The following NAV2 variants were observed in gnomAD, a reference collection of about 807,000 sequenced individuals.
NAV2 encodes neuron navigator 2, also known as helicase, APC down-regulated 1.
In NAV2, 54 loss-of-function variants were observed where a neutral mutation model predicts 223.2. That is an observed-to-expected ratio of 0.24 (90% CI 0.19 to 0.30). The LOEUF is 0.30. NAV2 is among the 10% of genes least tolerant of loss of function. The pLI is 1.00. For missense variants in NAV2, 2,806 were observed against 3,147.5 expected (o/e 0.89, Z 2.60); for synonymous variants, 1,279 against 1,239.3 (o/e 1.03, Z -0.67).
Position 20,023,242 on chromosome 11 carries a change from G to A in NAV2, c.2769-12717G>A, listed in dbSNP as rs2054674108. 4 of 734,818 alleles carry A rather than the reference G, an allele frequency of 5.4e-6. 1 individual carries two copies. The East Asian group carries it at 2.6e-4, about 48-fold the overall frequency. The allele number at this position is 734,818 out of a possible 1,614,324, so 45.5% of individuals were successfully genotyped here. A position where few individuals can be genotyped will look rare whatever the true frequency, so the allele number is the denominator to read the frequency against. On this transcript the variant is annotated intron_variant, in intron 11 of 37. Coordinates refer to ENST00000349880, the MANE Select transcript of NAV2 (RefSeq NM_145117.5). ...GCCTGGTGGAGCAGCCTGTGGTGCAGCTGCCTAAATCACTGTGAGCTATGT... is the reference window on the plus strand; with the variant it reads ...GCCTGGTGGAGCAGCCTGTGGTGCAACTGCCTAAATCACTGTGAGCTATGT...
At chr11:20,089,352 G>A (rs574406538) in intron 26 of NAV2, among the ~76,000 whole-genome samples, 118 of 152,282 alleles carry the variant, frequency 7.7e-4, no homozygotes, top group African/African-American at 2.8e-3. Context: ...CTATTCAAGT[G>A]TTAAATTTTT....
chr11:19,413,675 GA>G (rs1424500110), intron 1 of NAV2, among the ~76,000 whole-genome samples: 8 of 152,190 alleles, frequency 5.3e-5, no homozygotes, highest in Non-Finnish European at 7.3e-5. Context: ...CAGCCAGAGA[GA>G]AAGGTCTGGT....
At chr11:19,592,770 G>C (rs145785319) in intron 1 of NAV2, among the ~76,000 whole-genome samples, 64 of 152,302 alleles carry the variant, frequency 4.2e-4, no homozygotes, top group African/African-American at 1.4e-3. Flanking sequence ...ATAGTAATGA[G>C]AGCTGATATT....
chr11:19,988,496 C>T (rs1319147637), intron 11 of NAV2, among the ~76,000 whole-genome samples: 2 of 151,978 alleles, frequency 1.3e-5, no homozygotes, highest in African/African-American at 2.4e-5. Context: ...AAATGAAAAT[C>T]GCCCTCCACC....
chr11:19,691,876 T>C (rs2049185292), intron 1 of NAV2, among the ~76,000 whole-genome samples: 1 of 152,256 alleles, frequency 6.6e-6, no homozygotes, highest in East Asian at 1.9e-4. Context: ...GCTGGCACTA[T>C]GGTGTCAAAA....
rs552958297 is a variant in NAV2 at position 20,071,858 on chromosome 11, G to A, written c.4983+3460G>A. Among the ~76,000 whole-genome samples the A allele has an allele frequency of 5.9e-5, 9 of 152,268 alleles. 1 individual carries two copies. The South Asian group carries it at 1.9e-3, about 32-fold the overall frequency. On this transcript the variant is annotated intron_variant, in intron 22 of 37. Coordinates refer to ENST00000349880, the MANE Select transcript of NAV2 (RefSeq NM_145117.5). ...TCTGGATATTAGCCCTTTGTCAGATGGATAGATTGCAAAAATTTTCTTCAA... is the reference window on the plus strand; with the variant it reads ...TCTGGATATTAGCCCTTTGTCAGATAGATAGATTGCAAAAATTTTCTTCAA...
chr11:19,563,095 C>G (rs2045154824), intron 1 of NAV2, among the ~76,000 whole-genome samples: 1 of 152,212 alleles, frequency 6.6e-6, no homozygotes, highest in Non-Finnish European at 1.5e-5. Flanking sequence ...GCTATGAGAG[C>G]TCTCAGGAAA....
intron 6 of NAV2, among the ~76,000 whole-genome samples, chr11:19,923,360 A>C (rs1430936853): frequency 6.6e-6 from 1 of 152,016 alleles, no homozygotes; most frequent in African/African-American, 2.4e-5. Flanking sequence ...GCAAATAGGC[A>C]CATTAAAGGT....
intron 1 of NAV2, among the ~76,000 whole-genome samples, chr11:19,791,987 T>G (rs1210044788): frequency 6.6e-6 from 1 of 152,180 alleles, no homozygotes; most frequent in Non-Finnish European, 1.5e-5. Context: ...ACCATCTCTG[T>G]GCAGCACCAA....
intron 3 of NAV2, among the ~76,000 whole-genome samples, chr11:19,853,001 C>G (rs1273934481): frequency 6.6e-6 from 1 of 152,080 alleles, no homozygotes; most frequent in Non-Finnish European, 1.5e-5. Flanking sequence ...GAAAAGACAC[C>G]AAAATAACAG....
chr11:19,974,307 G>A (rs2049513630), intron 10 of NAV2, among the ~76,000 whole-genome samples: 1 of 152,192 alleles, frequency 6.6e-6, no homozygotes, highest in African/African-American at 2.4e-5. Flanking sequence ...ATGAATAGGT[G>A]GAGCATGGGG....
chr11:20,048,901 A>T lies in NAV2; in HGVS notation c.4076A>T (p.Asn1359Ile). Residue 1359 changes from asparagine (N) to isoleucine (I), a missense_variant, in exon 15 of 38, where the codon AAT (asparagine) becomes ATT (isoleucine). Physicochemically the swap from Asn to Ile is moderately radical, Grantham distance 149 (BLOSUM62 -3). This residue lies in a region of NAV2 where 742 missense variants were observed against 777.9 expected (regional missense o/e 0.95). Transcript: ENST00000349880. The part of the protein sequence containing the change: ...SGSSSPLYSK[N>I]VDLNQSPLAS... Reference sequence around the variant, plus strand: ...AGCAGCAGTCCTCTCTACAGCAAGAATGTGGACCTCAACCAGTCTCCGCTA... The same window carrying T: ...AGCAGCAGTCCTCTCTACAGCAAGATTGTGGACCTCAACCAGTCTCCGCTA... The T allele has an allele frequency of 6.2e-7, 1 of 1,614,132 alleles. No individual in the cohort carries two copies. The highest frequency in any genetic ancestry group is 8.5e-7 in the Non-Finnish European group (1 of 1,180,008).
chr11:19,574,714 GTTAGAA>G (rs769619146), intron 1 of NAV2, among the ~76,000 whole-genome samples: 2 of 152,328 alleles, frequency 1.3e-5, no homozygotes, highest in Non-Finnish European at 2.9e-5. Flanking sequence ...CATAGGTCCA[GTTAGAA>G]TTAGGTAGAG....
intron 3 of NAV2, among the ~76,000 whole-genome samples, chr11:19,861,653 G>A (rs999461856): frequency 6.6e-6 from 1 of 152,212 alleles, no homozygotes; most frequent in African/African-American, 2.4e-5. Context: ...AGACTTGTCT[G>A]AACCTAAAGC....
chr11:19,905,644 T>C (rs2042806680), intron 6 of NAV2, among the ~76,000 whole-genome samples: 1 of 152,138 alleles, frequency 6.6e-6, no homozygotes, highest in Admixed American at 6.5e-5. Context: ...CAGGATTAAT[T>C]TGGCTTATGT....
chr11:19,505,508 G>C (rs1471195433), intron 1 of NAV2: 3 of 152,254 alleles, frequency 2.0e-5, no homozygotes, highest in Non-Finnish European at 4.4e-5. Context: ...ACTTGGGCCA[G>C]GTGTCACTAA....
chr11:19,969,739 G>A (rs1565667716), intron 10 of NAV2, among the ~76,000 whole-genome samples: 1 of 152,022 alleles, frequency 6.6e-6, no homozygotes, highest in Non-Finnish European at 1.5e-5. Flanking sequence ...TCAGGAGATC[G>A]AGACCATTGT....
chr11:19,727,462 C>G (rs1354421324), intron 1 of NAV2, among the ~76,000 whole-genome samples: 1 of 152,228 alleles, frequency 6.6e-6, no homozygotes, highest in Non-Finnish European at 1.5e-5. Flanking sequence ...ATGTAGGAGG[C>G]AGGATGCTTC....
At chr11:19,554,943 G>GA (rs556440929) in intron 1 of NAV2, among the ~76,000 whole-genome samples, 13 of 117,900 alleles carry the variant, frequency 1.1e-4, no homozygotes, top group Admixed American at 2.6e-4. Flanking sequence ...GCGAAACTCC[G>GA]AAAAAAAAAA....
Sources: gnomAD v4.1 joint callset for allele counts (sites outside exome capture counted in the v4.1 genomes callset) on GRCh38, gnomAD v4.1.1 for gene constraint, gnomAD v4.1.1 regional missense constraint, MANE v1.5 for transcripts, NCBI Gene and HGNC (gene_info 2026-07-23, HGNC 2026-07-21) for gene names.